TDRD9: variants seen among roughly 807,000 people sequenced by gnomAD.
The protein encoded by TDRD9 is tudor domain containing 9.
TDRD9 carries 124 observed loss-of-function variants against 172.6 expected under a neutral mutation model. The observed-to-expected ratio is 0.72, with a 90% CI of 0.62 to 0.83. The LOEUF (loss-of-function observed/expected upper bound fraction) is 0.83, where lower values mean the gene tolerates loss of function less well. Ranked by LOEUF, TDRD9 falls within the 40% of genes least tolerant of loss-of-function variation. The pLI, the probability that TDRD9 is intolerant of heterozygous loss-of-function variation, is 0.00. For synonymous variants in TDRD9, 619 were observed against 617.1 expected (o/e 1.00, Z -0.05); for missense variants, 1,479 against 1,714.1 (o/e 0.86, Z 2.42).
At chr14:103,963,276 A>G in intron 3 of TDRD9, 100 bp downstream of exon 3, 1 of 837,516 alleles carries the variant, frequency 1.2e-6, no homozygotes, top group Non-Finnish European at 1.9e-6. Context: ...TGCCAGGTGA[A>G]CACTTCTGTG....
intron 1 of TDRD9, 148 bp downstream of exon 1, chr14:103,928,872 C>G (rs1353683363): frequency 1.5e-5 from 4 of 269,714 alleles, no homozygotes; most frequent in Non-Finnish European, 2.8e-5. Flanking sequence ...GTGGTCACTA[C>G]ACAACCCGAC....
chr14:104,019,016 A>G (rs1466305972), intron 23 of TDRD9, among the ~76,000 whole-genome samples: 1 of 152,224 alleles, frequency 6.6e-6, no homozygotes, highest in African/African-American at 2.4e-5. Context: ...TAATAAGCAA[A>G]ACCTTCCTAA....
chr14:103,961,633 A>AG (rs2032516624), intron 2 of TDRD9, among the ~76,000 whole-genome samples: 1 of 151,926 alleles, frequency 6.6e-6, no homozygotes, highest in Non-Finnish European at 1.5e-5. Context: ...TTCCTGAGTT[A>AG]GGGGTCACTA....
chr14:104,042,303 G>T, intron 34 of TDRD9, 116 bp downstream of exon 34: 1 of 718,910 alleles, frequency 1.4e-6, no homozygotes, highest in East Asian at 2.7e-5. Context: ...CTGAAGTGGA[G>T]TGCCAGTGCT....
chr14:103,954,058 C>T (rs993788366), intron 1 of TDRD9, among the ~76,000 whole-genome samples: 1 of 152,214 alleles, frequency 6.6e-6, no homozygotes, highest in Non-Finnish European at 1.5e-5. Context: ...CATATAGTCT[C>T]TTTGACAACA....
At position 104,005,421 on chromosome 14, in the gene TDRD9, G is replaced by A; in HGVS notation, c.1713+16G>A. Reference sequence around the variant, plus strand: ...ACTAAAGGAGGTAGGACTGCCTGCTGGTTAGTACTGTTGGCATCTGTAGAG... The same window carrying A: ...ACTAAAGGAGGTAGGACTGCCTGCTAGTTAGTACTGTTGGCATCTGTAGAG... On this transcript the variant is annotated intron_variant, in intron 15 of 35. Transcript: ENST00000409874. 6.2e-7 allele frequency: 1 copy of A among 1,613,762 alleles called. No homozygotes were observed. Among genetic ancestry groups the A allele is most frequent in the Middle Eastern group, 1.6e-4 (1 of 6,062 alleles).
chr14:104,046,639 ATTCTTT>A (rs1037504608), intron 34 of TDRD9, among the ~76,000 whole-genome samples: 1 of 145,852 alleles, frequency 6.9e-6, no homozygotes, highest in South Asian at 2.2e-4. Flanking sequence ...CTCCTGTTTT[ATTCTTT>A]TTCTTTTTCT....
At chr14:103,969,562 C>T (rs2032928382) in intron 5 of TDRD9, among the ~76,000 whole-genome samples, 1 of 152,178 alleles carries the variant, frequency 6.6e-6, no homozygotes, top group African/African-American at 2.4e-5. Context: ...TAGACATCTC[C>T]TTCAGTGGGA....
chr14:103,940,409 A>G (rs2152119365), intron 1 of TDRD9: 1 of 156,924 alleles, frequency 6.4e-6, no homozygotes, highest in Non-Finnish European at 1.4e-5. Flanking sequence ...CATTTCTGTT[A>G]TGTTGTAAAG....
chr14:104,045,980 G>A (rs374715614), intron 34 of TDRD9, among the ~76,000 whole-genome samples: 20 of 152,084 alleles, frequency 1.3e-4, no homozygotes, highest in East Asian at 3.9e-4. Context: ...TTTTTGAGAC[G>A]GAGTCTTGCT....
chr14:103,939,653 C>T (rs554925275), intron 1 of TDRD9: 2 of 125,980 alleles, frequency 1.6e-5, no homozygotes, highest in African/African-American at 6.2e-5. Context: ...TGGCCAAGAA[C>T]GCAGGGAGAA....
At chr14:103,996,285 C>G (rs891432495) in intron 12 of TDRD9, among the ~76,000 whole-genome samples, 2 of 152,152 alleles carry the variant, frequency 1.3e-5, no homozygotes, top group East Asian at 1.9e-4. Context: ...ATTTGAAAAC[C>G]TAACACATGT....
In TDRD9 at chr14:103,998,699, CTT is replaced by C; in HGVS notation, c.1455_1456del (p.Ser486Ter). The C allele has an allele frequency of 6.2e-7, 1 of 1,603,668 alleles. No homozygotes were observed. Among genetic ancestry groups the C allele is most frequent in the Non-Finnish European group, 8.5e-7 (1 of 1,170,642 alleles). On this transcript the variant is annotated frameshift_variant, in exon 13 of 36. Transcript: ENST00000409874. LOFTEE classifies it high-confidence loss of function. ...TATCAGAGTCTGCGATTGAGTTGGG[CTT>C]CTAAAACCAGCTGTAATCAGAGAAA...
At chr14:103,948,053 G>C (rs903722547) in intron 1 of TDRD9, among the ~76,000 whole-genome samples, 1 of 152,198 alleles carries the variant, frequency 6.6e-6, no homozygotes, top group Admixed American at 6.5e-5. Context: ...TCACTCTGTT[G>C]CCTAGGCTGG....
intron 3 of TDRD9, among the ~76,000 whole-genome samples, chr14:103,964,078 CA>C (rs1188248366): frequency 6.6e-6 from 1 of 151,972 alleles, no homozygotes; most frequent in African/African-American, 2.4e-5. Flanking sequence ...CTCATCTCTA[CA>C]AAACACACCC....
In TDRD9 at chr14:103,998,699, C is replaced by T; in HGVS notation, c.1454C>T (p.Ala485Val). 6.2e-7 allele frequency: 1 copy of T among 1,603,678 alleles called. No homozygotes were observed. The highest frequency in any genetic ancestry group is 8.5e-7 in the Non-Finnish European group (1 of 1,170,652). ...TNYQSLRLSW[A>V]SKTSCNQRKG... The stretch of plus-strand genomic sequence containing the variant: ...TATCAGAGTCTGCGATTGAGTTGGG[C>T]TTCTAAAACCAGCTGTAATCAGAGA... The change falls in exon 13 of 36, where the codon GCT becomes GTT. Residue 485 changes from alanine to valine, a missense_variant. Ala to Val is a moderately conservative substitution (Grantham distance 64). Transcript: ENST00000409874.
At position 103,966,964 on chromosome 14, in the gene TDRD9, TCTCAG is replaced by T. The variant is rs555442330; in HGVS notation, c.765+134_765+138del. On this transcript the variant is annotated intron_variant, in intron 5 of 35. Coordinates refer to ENST00000409874, the MANE Select transcript of TDRD9 (RefSeq NM_153046.3). ...CCTTCCCCTTTACTTTCTGGACTTTTCTCAGTAAGGATGGAATGTTTTTTGATTTT... is the reference window on the plus strand; with the variant it reads ...CCTTCCCCTTTACTTTCTGGACTTTTTAAGGATGGAATGTTTTTTGATTTT... 2.9e-4 allele frequency: 240 copies of T among 831,196 alleles called. 2 individuals carry two copies. In the East Asian group the frequency reaches 7.0e-3, roughly 24 times the overall value. The allele number at this position is 831,196 out of a possible 1,614,324, so 51.5% of individuals were successfully genotyped here. A position where few individuals can be genotyped will look rare whatever the true frequency, so the allele number is the denominator to read the frequency against.
intron 1 of TDRD9, among the ~76,000 whole-genome samples, chr14:103,946,588 T>C (rs2152122364): frequency 6.6e-6 from 1 of 152,266 alleles, no homozygotes; most frequent in South Asian, 2.1e-4. Flanking sequence ...TGCATCCAAA[T>C]TACAAAGGAA....
chr14:103,994,588 C>A lies in TDRD9; in HGVS notation c.1305C>A (p.Val435=). ...AGAATAATGTCTTTTTAAGTCCAGTCCCTGGGTACAGAAAGGTAGGAAAAC... is the reference window on the plus strand; with the variant it reads ...AGAATAATGTCTTTTTAAGTCCAGTACCTGGGTACAGAAAGGTAGGAAAAC... ...EEQNNVFLSP[V]PGYRKIILST... is the part of the protein sequence containing the mutation. The change falls in exon 11 of 36, where the codon GTC becomes GTA. Residue 435 remains valine, a synonymous_variant. Transcript: ENST00000409874. 1 of 1,613,198 alleles carries A rather than the reference C, an allele frequency of 6.2e-7. No homozygotes were observed. Among genetic ancestry groups the A allele is most frequent in the Non-Finnish European group, 8.5e-7 (1 of 1,179,454 alleles).
Sources: gnomAD v4.1 joint callset for allele counts (sites outside exome capture counted in the v4.1 genomes callset) on GRCh38, gnomAD v4.1.1 for gene constraint, MANE v1.5 for transcripts, NCBI Gene and HGNC (gene_info 2026-07-23, HGNC 2026-07-21) for gene names.